SORCS3: variants seen among roughly 807,000 people sequenced by gnomAD.
SORCS3 encodes the protein sortilin related VPS10 domain containing receptor 3, also known as VPS10 domain-containing receptor SorCS3.
SORCS3 carries 57 observed loss-of-function variants against 146.3 expected under a neutral mutation model. The observed-to-expected ratio is 0.39, with a 90% CI of 0.31 to 0.49. SORCS3 has a LOEUF of 0.49. Ranked by LOEUF, SORCS3 falls within the 20% of genes least tolerant of loss-of-function variation. The probability of loss-of-function intolerance (pLI) is 0.92; values close to 1 mark genes in which losing one functional copy is unlikely to be tolerated. For missense variants in SORCS3, 1,341 were observed against 1,575.5 expected (o/e 0.85, Z 2.52); for synonymous variants, 653 against 618.5 (o/e 1.06, Z -0.83).
chr10:104,659,640 C>T (rs2015675758), intron 1 of SORCS3, among the ~76,000 whole-genome samples: 1 of 152,162 alleles, frequency 6.6e-6, no homozygotes, highest in Non-Finnish European at 1.5e-5. Context: ...GGGCAAGTTA[C>T]TTTTCTGAGA....
At chr10:104,862,274 G>A (rs2018411683) in intron 2 of SORCS3, among the ~76,000 whole-genome samples, 1 of 152,124 alleles carries the variant, frequency 6.6e-6, no homozygotes, top group African/African-American at 2.4e-5. Flanking sequence ...AGGTCTGACT[G>A]GAATCTTTCA....
chr10:104,732,613 T>C (rs2016719738), intron 1 of SORCS3, among the ~76,000 whole-genome samples: 2 of 152,198 alleles, frequency 1.3e-5, no homozygotes, highest in Non-Finnish European at 2.9e-5. Context: ...TTAAATGGGA[T>C]GAGCCTCTGC....
At chr10:105,090,367 G>A (rs2055693674) in intron 6 of SORCS3, among the ~76,000 whole-genome samples, 1 of 152,008 alleles carries the variant, frequency 6.6e-6, no homozygotes, top group Non-Finnish European at 1.5e-5. Flanking sequence ...TACAAACAAG[G>A]GACTCTTCTA....
intron 7 of SORCS3, among the ~76,000 whole-genome samples, 153 bp from the exon 8 acceptor site, chr10:105,139,244 T>C (rs555906960): frequency 6.6e-6 from 1 of 152,246 alleles, no homozygotes; most frequent in African/African-American, 2.4e-5. Context: ...CAACTCAGAG[T>C]GCCATGGGAT....
At chr10:105,178,687 T>C (rs933845007) in intron 14 of SORCS3, among the ~76,000 whole-genome samples, 9 of 152,176 alleles carry the variant, frequency 5.9e-5, no homozygotes, top group African/African-American at 1.9e-4. Flanking sequence ...TTCTATACTC[T>C]TTTATAATGA....
In SORCS3 at chr10:104,748,103, C is replaced by T. The variant is rs59893794; in HGVS notation, c.628-94689C>T. On this transcript the variant is annotated intron_variant, in intron 1 of 26. Transcript: ENST00000369701. ...AGTTTGTCATGAGGTCTCAATGAAT[C>T]TTCTCAGAAAAGTCTCTGTTTTGGC... is the stretch of plus-strand genomic sequence containing the variant. Among the ~76,000 whole-genome samples the T allele has an allele frequency of 5.0e-3, 755 of 152,314 alleles. 5 individuals are homozygous for T. The highest frequency in any genetic ancestry group is 0.017 in the African/African-American group (698 of 41,552).
intron 7 of SORCS3, among the ~76,000 whole-genome samples, chr10:105,129,477 T>C (rs2056002199): frequency 1.3e-5 from 2 of 151,950 alleles, no homozygotes; most frequent in South Asian, 4.1e-4. Flanking sequence ...GGCAGTGCCT[T>C]CCTTTTCTTT....
At chr10:105,176,390 TA>T (rs199548176) in intron 13 of SORCS3, among the ~76,000 whole-genome samples, 2,513 of 143,564 alleles carry the variant, frequency 0.018, 34 homozygotes, top group East Asian at 0.07. Flanking sequence ...CAAAAATAAT[TA>T]AAAAAAAAAA....
At chr10:105,104,042 A>C (rs866157060) in intron 6 of SORCS3, among the ~76,000 whole-genome samples, 9 of 152,140 alleles carry the variant, frequency 5.9e-5, no homozygotes, top group African/African-American at 2.2e-4. Context: ...GAGATCATTT[A>C]AAGTACCCAT....
intron 4 of SORCS3, among the ~76,000 whole-genome samples, chr10:105,041,418 T>C (rs1314654044): frequency 0.013 from 1,898 of 148,088 alleles, 25 homozygotes; most frequent in African/African-American, 0.034. Flanking sequence ...AAAATATATA[T>C]ATATATATAC....
At chr10:104,808,648 A>G (rs2017707545) in intron 1 of SORCS3, among the ~76,000 whole-genome samples, 1 of 152,216 alleles carries the variant, frequency 6.6e-6, no homozygotes, top group South Asian at 2.1e-4. Context: ...GATGGTGGAA[A>G]CCATCAGTAG....
At chr10:104,724,137 T>C (rs1324437960) in intron 1 of SORCS3, among the ~76,000 whole-genome samples, 4 of 152,328 alleles carry the variant, frequency 2.6e-5, no homozygotes, top group Non-Finnish European at 4.4e-5. Context: ...CCATGTTTAG[T>C]GCTTCCTTCA....
At chr10:105,252,362 G>A (rs1379253584) in intron 22 of SORCS3, among the ~76,000 whole-genome samples, 4 of 152,040 alleles carry the variant, frequency 2.6e-5, no homozygotes, top group African/African-American at 4.8e-5. Context: ...AGTATTGCTC[G>A]GCTTTCTTTA....
At chr10:104,923,337 G>A (rs1033597063) in intron 3 of SORCS3, among the ~76,000 whole-genome samples, 8 of 152,190 alleles carry the variant, frequency 5.3e-5, no homozygotes, top group African/African-American at 1.7e-4. Flanking sequence ...GGCTGGCCAA[G>A]CCCTTAGGAA....
intron 1 of SORCS3, among the ~76,000 whole-genome samples, chr10:104,835,817 G>T (rs1589517880): frequency 1.3e-5 from 2 of 152,322 alleles, no homozygotes. Context: ...GTCTTCTGAA[G>T]AATAATTGTC....
rs143246663 is a variant in SORCS3 at position 104,688,514 on chromosome 10, G to C, written c.627+46560G>C. On this transcript the variant is annotated intron_variant, in intron 1 of 26. Coordinates refer to ENST00000369701, the MANE Select transcript of SORCS3 (RefSeq NM_014978.3). ...TGTGGATACGTGCAGGAGTGCAGCG[G>C]TGGGGACCGCTTCTGTTTTCTTCTT... 5.6e-3 allele frequency among the ~76,000 whole-genome samples: 853 copies of C among 152,364 alleles called. 7 individuals are homozygous for C. Among genetic ancestry groups the C allele is most frequent in the African/African-American group, 0.02 (821 of 41,588 alleles).
At chr10:104,729,733 C>T (rs2016684619) in intron 1 of SORCS3, among the ~76,000 whole-genome samples, 1 of 152,190 alleles carries the variant, frequency 6.6e-6, no homozygotes, top group Non-Finnish European at 1.5e-5. Context: ...AACTACAGAA[C>T]CTGTCATGAT....
chr10:104,749,845 T>C (rs1213474825), intron 1 of SORCS3, among the ~76,000 whole-genome samples: 3 of 152,226 alleles, frequency 2.0e-5, no homozygotes, highest in African/African-American at 7.2e-5. Context: ...CATGGAAAGA[T>C]TTTTATTTTT....
At chr10:105,044,695 T>TG (rs1343932617) in intron 5 of SORCS3, among the ~76,000 whole-genome samples, 2 of 151,948 alleles carry the variant, frequency 1.3e-5, no homozygotes, top group African/African-American at 4.8e-5. Context: ...TGTTTTTTTT[T>TG]TTGTTTTGTT....
Sources: allele counts gnomAD v4.1 joint callset (sites outside exome capture counted in the v4.1 genomes callset), GRCh38; gene constraint gnomAD v4.1.1; transcripts MANE v1.5; gene names NCBI Gene and HGNC (gene_info 2026-07-23, HGNC 2026-07-21).